NCALD: variants seen among roughly 807,000 people sequenced by gnomAD.
The protein encoded by NCALD is neurocalcin delta, also known as neurocalcin-delta.
NCALD carries 10 observed loss-of-function variants against 18.6 expected under a neutral mutation model. That is an observed-to-expected ratio of 0.54 (90% CI 0.33 to 0.91). NCALD has a LOEUF of 0.91. Ranked by LOEUF, NCALD falls within the 40% of genes least tolerant of loss-of-function variation. NCALD has a pLI of 0.03. For missense variants in NCALD, 184 were observed against 247.6 expected (o/e 0.74, Z 1.72); for synonymous variants, 88 against 87.4 (o/e 1.01, Z -0.04).
In NCALD at chr8:101,953,392, A is replaced by G. The variant is rs1239325425; in HGVS notation, c.-156-37534T>C. 2.0e-5 allele frequency among the ~76,000 whole-genome samples: 3 copies of G among 152,212 alleles called. No homozygotes were observed. The East Asian group carries it at 5.8e-4, about 29-fold the overall frequency. On this transcript the variant is annotated intron_variant, in intron 2 of 6. Coordinates refer to the NCALD transcript ENST00000311028. Reference sequence around the variant, plus strand: ...GCTGTTAGGACCTGACCTTATGCCAATCATCTTTGTAATAGCTCTCTTGCC... The same window carrying G: ...GCTGTTAGGACCTGACCTTATGCCAGTCATCTTTGTAATAGCTCTCTTGCC...
At chr8:101,873,791 T>C (rs956589736) in intron 4 of NCALD, among the ~76,000 whole-genome samples, 2 of 152,220 alleles carry the variant, frequency 1.3e-5, no homozygotes, top group Admixed American at 1.3e-4. Context: ...TGTTAGCCTA[T>C]GAATCACCAG....
intron 4 of NCALD, among the ~76,000 whole-genome samples, chr8:101,852,272 A>T (rs962467168): frequency 6.6e-6 from 1 of 152,112 alleles, no homozygotes; most frequent in Non-Finnish European, 1.5e-5. Context: ...CCTCTGATAC[A>T]CTGTACTATG....
intron 4 of NCALD, among the ~76,000 whole-genome samples, chr8:101,800,412 TAG>T (rs1193953022): frequency 1.3e-5 from 2 of 151,554 alleles, no homozygotes; most frequent in Non-Finnish European, 2.9e-5. Flanking sequence ...AATAAGCTAA[TAG>T]AGGAGAAAAA....
chr8:102,085,735 C>G (rs1824715905), intron 1 of NCALD, among the ~76,000 whole-genome samples: 1 of 148,292 alleles, frequency 6.7e-6, no homozygotes, highest in South Asian at 2.1e-4. Context: ...GCCTGGGTGA[C>G]AGCAAGACTC....
intron 2 of NCALD, among the ~76,000 whole-genome samples, chr8:101,935,798 T>A (rs1296950714): frequency 1.4e-5 from 2 of 147,208 alleles, no homozygotes; most frequent in African/African-American, 5.0e-5. Flanking sequence ...TTTTTTTTTT[T>A]TTTTTTTAAA....
At chr8:101,753,669 G>T (rs2130788389) in intron 1 of NCALD, among the ~76,000 whole-genome samples, 1 of 152,262 alleles carries the variant, frequency 6.6e-6, no homozygotes, top group East Asian at 1.9e-4. Context: ...TTCCAAGAAG[G>T]GCTTCTTAGA....
chr8:101,692,970 C>G, intron 2 of NCALD, 74 bp from the exon 3 acceptor site: 1 of 1,073,940 alleles, frequency 9.3e-7, no homozygotes, highest in East Asian at 2.4e-5. Context: ...TTAAACCTCC[C>G]AAATGCGGGC....
At chr8:101,932,635 GAAGC>G (rs1235213235) in intron 2 of NCALD, among the ~76,000 whole-genome samples, 1 of 151,838 alleles carries the variant, frequency 6.6e-6, no homozygotes, top group Admixed American at 6.6e-5. Context: ...AAAAAAGAAA[GAAGC>G]AAGGTCTAAT....
At chr8:101,999,954 T>C (rs1048092031) in intron 2 of NCALD, among the ~76,000 whole-genome samples, 2 of 152,090 alleles carry the variant, frequency 1.3e-5, no homozygotes, top group Non-Finnish European at 2.9e-5. Context: ...GCTCCCTGCA[T>C]GAGCGACGCA....
intron 2 of NCALD, among the ~76,000 whole-genome samples, chr8:101,940,953 A>G (rs1160367653): frequency 6.6e-6 from 1 of 152,220 alleles, no homozygotes; most frequent in African/African-American, 2.4e-5. Flanking sequence ...AAAATTAAGA[A>G]TGCTTATTAA....
intron 2 of NCALD, among the ~76,000 whole-genome samples, chr8:102,008,791 T>C (rs1393755671): frequency 2.6e-5 from 4 of 152,176 alleles, no homozygotes; most frequent in Non-Finnish European, 1.5e-5. Flanking sequence ...TACTGCTTCT[T>C]TGGGTCTTCA....
intron 1 of NCALD, among the ~76,000 whole-genome samples, chr8:102,021,812 A>C (rs1563549315): frequency 6.6e-6 from 1 of 152,226 alleles, no homozygotes; most frequent in Non-Finnish European, 1.5e-5. Context: ...ACATTGAAGT[A>C]GAGAGGATGG....
chr8:101,936,082 A>G (rs1195891294), intron 2 of NCALD, among the ~76,000 whole-genome samples: 1 of 152,180 alleles, frequency 6.6e-6, no homozygotes, highest in Non-Finnish European at 1.5e-5. Context: ...CCTCATCTCC[A>G]TGAGGGAGGC....
At chr8:101,772,619 C>T (rs1297857326) in intron 1 of NCALD, among the ~76,000 whole-genome samples, 3 of 152,180 alleles carry the variant, frequency 2.0e-5, no homozygotes, top group Non-Finnish European at 4.4e-5. Flanking sequence ...TAATTTCAGG[C>T]TTTGATTGCT....
chr8:101,990,941 C>T (rs1821023727), intron 2 of NCALD, among the ~76,000 whole-genome samples: 1 of 152,156 alleles, frequency 6.6e-6, no homozygotes. Context: ...ACCTGAATGC[C>T]CACTGTGGCT....
At chr8:101,896,308 C>A (rs866269585) in intron 3 of NCALD, among the ~76,000 whole-genome samples, 9,928 of 151,510 alleles carry the variant, frequency 0.066, 658 homozygotes, top group African/African-American at 0.17. Context: ...AACTGGCTAG[C>A]CATATGTAGA....
At chr8:101,943,975 CAAACA>C (rs964402766) in intron 2 of NCALD, among the ~76,000 whole-genome samples, 171 of 101,022 alleles carry the variant, frequency 1.7e-3, no homozygotes, top group Middle Eastern at 5.8e-3. Flanking sequence ...AACAAACAAA[CAAACA>C]AAAAAAAACA....
intron 4 of NCALD, among the ~76,000 whole-genome samples, chr8:101,885,812 T>C (rs1285113883): frequency 6.6e-6 from 1 of 152,230 alleles, no homozygotes; most frequent in Admixed American, 6.5e-5. Flanking sequence ...AGTGTTCTTA[T>C]GTTAAATCCT....
At chr8:102,112,819 TA>T (rs1825680422) in intron 1 of NCALD, among the ~76,000 whole-genome samples, 1 of 152,058 alleles carries the variant, frequency 6.6e-6, no homozygotes, top group Admixed American at 6.5e-5. Context: ...GAGAGCTGAT[TA>T]TTAAGAGCCT....
Sources: allele counts gnomAD v4.1 joint callset (sites outside exome capture counted in the v4.1 genomes callset), GRCh38; gene constraint gnomAD v4.1.1; transcripts MANE v1.5; gene names NCBI Gene and HGNC (gene_info 2026-07-23, HGNC 2026-07-21).